KCNQ3: variants seen among roughly 807,000 people sequenced by gnomAD.
KCNQ3 encodes the protein potassium voltage-gated channel subfamily KQT member 3.
KCNQ3 carries 30 observed loss-of-function variants against 92.5 expected under a neutral mutation model. The ratio of observed to expected loss-of-function variants is 0.32; its 90% CI spans 0.24 to 0.44. The LOEUF (loss-of-function observed/expected upper bound fraction) is 0.44. KCNQ3 is among the 20% of genes least tolerant of loss of function. KCNQ3 has a pLI of 1.00. For synonymous variants in KCNQ3, 450 were observed against 468.8 expected (o/e 0.96, Z 0.52); for missense variants, 913 against 1,140.3 (o/e 0.80, Z 2.87).
At chr8:132,400,966 C>CAAAG (rs1820316452) in intron 1 of KCNQ3, among the ~76,000 whole-genome samples, 1 of 152,204 alleles carries the variant, frequency 6.6e-6, no homozygotes, top group African/African-American at 2.4e-5. Flanking sequence ...CTGTTAATTC[C>CAAAG]CCTAGCCTTT....
At chr8:132,235,833 C>A (rs888681992) in intron 1 of KCNQ3, among the ~76,000 whole-genome samples, 1 of 152,190 alleles carries the variant, frequency 6.6e-6, no homozygotes, top group African/African-American at 2.4e-5. Context: ...CCTTCCCTGA[C>A]CAATTAGAAT....
At chr8:132,429,048 G>C (rs1238472888) in intron 1 of KCNQ3, among the ~76,000 whole-genome samples, 2 of 152,198 alleles carry the variant, frequency 1.3e-5, no homozygotes, top group Non-Finnish European at 2.9e-5. Flanking sequence ...TTGGCACTTG[G>C]AGCAATGCCA....
intron 1 of KCNQ3, among the ~76,000 whole-genome samples, chr8:132,371,968 T>C (rs1819483305): frequency 1.3e-5 from 2 of 152,020 alleles, no homozygotes; most frequent in Admixed American, 6.6e-5. Flanking sequence ...AAGATACCGT[T>C]TTGCACAGGG....
chr8:132,364,102 CTTCCTTGA>C (rs1328590660), intron 1 of KCNQ3, among the ~76,000 whole-genome samples: 9 of 152,254 alleles, frequency 5.9e-5, no homozygotes, highest in Admixed American at 5.2e-4. Flanking sequence ...CTCAATCCAT[CTTCCTTGA>C]CACTTAGTCA....
chr8:132,449,048 CA>C (rs1234990201), intron 1 of KCNQ3, among the ~76,000 whole-genome samples: 1 of 152,122 alleles, frequency 6.6e-6, no homozygotes, highest in East Asian at 1.9e-4. Context: ...TGACCCTGAG[CA>C]AAATATTGGA....
At chr8:132,143,018 G>A (rs1030925610) in intron 9 of KCNQ3, among the ~76,000 whole-genome samples, 1 of 152,148 alleles carries the variant, frequency 6.6e-6, no homozygotes, top group Admixed American at 6.5e-5. Flanking sequence ...GCATACGGAA[G>A]GCATTAAGAA....
At chr8:132,140,808 G>A (rs1027670240) in intron 10 of KCNQ3, 3 of 384,034 alleles carry the variant, frequency 7.8e-6, no homozygotes, top group Middle Eastern at 8.0e-4. Context: ...ACCTGGCACC[G>A]CCCCATCCTT....
At chr8:132,415,354 G>C (rs560837675) in intron 1 of KCNQ3, among the ~76,000 whole-genome samples, 8 of 152,218 alleles carry the variant, frequency 5.3e-5, no homozygotes, top group Non-Finnish European at 1.0e-4. Context: ...AGGCTGGACA[G>C]TGAGGTGTCT....
intron 1 of KCNQ3, among the ~76,000 whole-genome samples, chr8:132,225,399 A>G (rs146414848): frequency 1.3e-3 from 196 of 152,302 alleles, no homozygotes; most frequent in African/African-American, 4.6e-3. Context: ...GAGGCAGTAT[A>G]GAGCTTGAAG....
At chr8:132,304,930 C>T (rs897608906) in intron 1 of KCNQ3, among the ~76,000 whole-genome samples, 1 of 151,908 alleles carries the variant, frequency 6.6e-6, no homozygotes, top group South Asian at 2.1e-4. Flanking sequence ...GGAAATGAGG[C>T]AATTAGGGAG....
At chr8:132,396,426 GAAA>G (rs751227909) in intron 1 of KCNQ3, among the ~76,000 whole-genome samples, 1 of 134,218 alleles carries the variant, frequency 7.5e-6, no homozygotes. Flanking sequence ...TTGGTAACAG[GAAA>G]AAAAAAAAAA....
At chr8:132,326,645 T>G (rs1045119092) in intron 1 of KCNQ3, among the ~76,000 whole-genome samples, 2 of 152,168 alleles carry the variant, frequency 1.3e-5, no homozygotes, top group Non-Finnish European at 2.9e-5. Context: ...CCCTCCCCAC[T>G]GCCAGGCAAG....
At chr8:132,202,837 C>T (rs1827503937) in intron 1 of KCNQ3, among the ~76,000 whole-genome samples, 1 of 152,190 alleles carries the variant, frequency 6.6e-6, no homozygotes, top group Non-Finnish European at 1.5e-5. Context: ...ATTCTTGCAG[C>T]CTCTGCCCAT....
At chr8:132,323,455 G>A (rs1034601253) in intron 1 of KCNQ3, among the ~76,000 whole-genome samples, 1 of 152,124 alleles carries the variant, frequency 6.6e-6, no homozygotes, top group African/African-American at 2.4e-5. Context: ...GGCCCACAAA[G>A]CCCAAAATAT....
chr8:132,349,478 G>C (rs116884047), intron 1 of KCNQ3, among the ~76,000 whole-genome samples: 1 of 152,216 alleles, frequency 6.6e-6, no homozygotes, highest in Non-Finnish European at 1.5e-5. Context: ...CTGACAAAGC[G>C]GACTTCCCTG....
At chr8:132,323,503 G>C (rs1205513764) in intron 1 of KCNQ3, among the ~76,000 whole-genome samples, 1 of 152,146 alleles carries the variant, frequency 6.6e-6, no homozygotes. Flanking sequence ...AAAGTTTACT[G>C]ACCTTTGACA....
chr8:132,310,109 T>C (rs1817547618), intron 1 of KCNQ3, among the ~76,000 whole-genome samples: 1 of 152,056 alleles, frequency 6.6e-6, no homozygotes, highest in African/African-American at 2.4e-5. Flanking sequence ...TGTGACTGAG[T>C]TCAAAGCAAT....
intron 1 of KCNQ3, among the ~76,000 whole-genome samples, chr8:132,219,740 C>T (rs1044690821): frequency 1.3e-5 from 2 of 152,116 alleles, no homozygotes; most frequent in Non-Finnish European, 2.9e-5. Flanking sequence ...ATCCTCTTGT[C>T]CTGCCTCAAA....
At position 132,481,036 on chromosome 8, in the gene KCNQ3, T is replaced by TCCCCGCCCGC. The variant is rs1563926404; in HGVS notation, c.-505_-504insGCGGGCGGGG. The TCCCCGCCCGC allele has an allele frequency of 6.6e-6, 1 of 151,060 alleles. No homozygotes were observed. The highest frequency in any genetic ancestry group is 2.0e-4 in the East Asian group (1 of 4,894). 9.4% of individuals were successfully genotyped at this position (151,060 alleles called of 1,614,324 possible). Reference sequence around the variant, plus strand: ...TCCCACCCGCGCCCCTCCCCGCCCGTTCCAGCCTCAGCCTGTCAGCAGCAG... The same window carrying TCCCCGCCCGC: ...TCCCACCCGCGCCCCTCCCCGCCCGTCCCCGCCCGCTCCAGCCTCAGCCTGTCAGCAGCAG... On this transcript the variant is annotated 5_prime_UTR_variant, in exon 1 of 15. Coordinates refer to ENST00000388996, the MANE Select transcript of KCNQ3 (RefSeq NM_004519.4).
Sources: allele counts gnomAD v4.1 joint callset (sites outside exome capture counted in the v4.1 genomes callset), GRCh38; gene constraint gnomAD v4.1.1; transcripts MANE v1.5; gene names NCBI Gene and HGNC (gene_info 2026-07-23, HGNC 2026-07-21).